Variants in ZMYND8 observed in about 807,000 individuals in gnomAD.
ZMYND8 encodes zinc finger MYND-type containing 8.
A neutral mutation model predicts 140.8 loss-of-function variants in ZMYND8; 37 were observed. The observed-to-expected ratio is 0.26, with a 90% CI of 0.20 to 0.35. The LOEUF is 0.35. Among genes scored for constraint, ZMYND8 ranks in the 10% least tolerant of loss-of-function variants. The pLI, the probability that ZMYND8 is intolerant of heterozygous loss-of-function variation, is 1.00. For missense variants in ZMYND8, 1,068 were observed against 1,570.0 expected (o/e 0.68, Z 5.40); for synonymous variants, 592 against 597.1 (o/e 0.99, Z 0.12).
In ZMYND8 at chr20:47,221,305, G is replaced by T. The variant is rs756031942; in HGVS notation, c.3417+9C>A. ...ATGTCACTAGCCAAAGGCATGGGGGGATCCTCACCGAGCCACTCTCCTTGC... is the reference window on the plus strand; with the variant it reads ...ATGTCACTAGCCAAAGGCATGGGGGTATCCTCACCGAGCCACTCTCCTTGC... On this transcript the variant is annotated intron_variant, in intron 20 of 22. Coordinates refer to ENST00000471951, the MANE Select transcript of ZMYND8 (RefSeq NM_001281775.3). The T allele has an allele frequency of 1.2e-5, 19 of 1,613,610 alleles. No homozygotes were observed. The highest frequency in any genetic ancestry group is 1.4e-5 in the Non-Finnish European group (17 of 1,179,970).
In ZMYND8 at chr20:47,210,593, G is replaced by T; in HGVS notation, c.*168C>A. 1.1e-6 allele frequency: 1 copy of T among 944,528 alleles called. No homozygotes were observed. Among genetic ancestry groups the T allele is most frequent in the Non-Finnish European group, 1.6e-6 (1 of 608,520 alleles). The allele number at this position is 944,528 out of a possible 1,614,324, so 58.5% of individuals were successfully genotyped here. On this transcript the variant is annotated 3_prime_UTR_variant, in exon 23 of 23. Coordinates refer to ENST00000471951, the MANE Select transcript of ZMYND8 (RefSeq NM_001281775.3). ...ACAGTCTGCAGTCAAAGCCGATGCT[G>T]GGTGTCCTGTAGTGTAGCAGCCCCC...
At chr20:47,242,918 A>G (rs185838969) in intron 14 of ZMYND8, among the ~76,000 whole-genome samples, 1 of 152,338 alleles carries the variant, frequency 6.6e-6, no homozygotes, top group East Asian at 1.9e-4. Flanking sequence ...TTAAAGGGTC[A>G]GCACCTGAGA....
chr20:47,277,944 T>C (rs1392636081), intron 10 of ZMYND8, among the ~76,000 whole-genome samples: 1 of 152,032 alleles, frequency 6.6e-6, no homozygotes, highest in African/African-American at 2.4e-5. Context: ...GTGCTGGGAT[T>C]ATAGGTGTTA....
intron 22 of ZMYND8, among the ~76,000 whole-genome samples, chr20:47,211,990 G>A (rs76576268): frequency 6.6e-6 from 1 of 152,302 alleles, no homozygotes; most frequent in East Asian, 1.9e-4. Context: ...GACCAAAAGG[G>A]AGCAATACTA....
chr20:47,337,291 G>T (rs2081462037), intron 2 of ZMYND8, among the ~76,000 whole-genome samples: 1 of 152,180 alleles, frequency 6.6e-6, no homozygotes, highest in Non-Finnish European at 1.5e-5. Context: ...GGCGGAGGCT[G>T]CAGTAAGCCG....
intron 11 of ZMYND8, among the ~76,000 whole-genome samples, chr20:47,268,439 G>A (rs865986908): frequency 1.1e-4 from 16 of 151,560 alleles, no homozygotes; most frequent in Middle Eastern, 3.4e-3. Flanking sequence ...GATTACAGGC[G>A]CCCGCCACCA....
At chr20:47,332,230 G>T (rs2081016057) in intron 2 of ZMYND8, among the ~76,000 whole-genome samples, 1 of 152,150 alleles carries the variant, frequency 6.6e-6, no homozygotes, top group South Asian at 2.1e-4. Flanking sequence ...AGAATCATTT[G>T]AACCCGGGAG....
At position 47,306,573 on chromosome 20, in the gene ZMYND8, C is replaced by CTTTT. The variant is rs113460565; in HGVS notation, c.234+3479_234+3482dup. On this transcript the variant is annotated intron_variant, in intron 3 of 22. Coordinates refer to ENST00000471951, the MANE Select transcript of ZMYND8 (RefSeq NM_001281775.3). ...AAATGGAAATATATGGATTATTTGC[C>CTTTT]TTTTTTTTTTTTTTTGAGACAGAGT... 5.8e-4 allele frequency among the ~76,000 whole-genome samples: 79 copies of CTTTT among 136,554 alleles called. 1 individual carries two copies. In the South Asian group the frequency reaches 8.0e-3, roughly 14 times the overall value. 89.6% of individuals were successfully genotyped at this position (136,554 alleles called of 152,430 possible). A position where few individuals can be genotyped will look rare whatever the true frequency, so the allele number is the denominator to read the frequency against.
At chr20:47,211,248 T>C (rs2035212758) in intron 22 of ZMYND8, among the ~76,000 whole-genome samples, 1 of 152,194 alleles carries the variant, frequency 6.6e-6, no homozygotes, top group African/African-American at 2.4e-5. Flanking sequence ...AAGCACCCCA[T>C]GCACTTCTGG....
intron 2 of ZMYND8, chr20:47,320,351 C>T (rs1201882491): frequency 6.6e-6 from 1 of 152,386 alleles, no homozygotes; most frequent in Non-Finnish European, 1.5e-5. Context: ...CCACAGTCAC[C>T]TTGTCACATT....
At chr20:47,284,418 G>A (rs2076797890) in intron 8 of ZMYND8, among the ~76,000 whole-genome samples, 1 of 152,166 alleles carries the variant, frequency 6.6e-6, no homozygotes, top group African/African-American at 2.4e-5. Context: ...CGGGACTACT[G>A]AAATCTAAGA....
chr20:47,303,125 G>A (rs888210546), intron 3 of ZMYND8, among the ~76,000 whole-genome samples: 6 of 152,064 alleles, frequency 3.9e-5, no homozygotes. Context: ...TCTGCTCTCT[G>A]CCTAGGAAAA....
chr20:47,272,481 C>T (rs907513550), intron 11 of ZMYND8, among the ~76,000 whole-genome samples: 2 of 152,268 alleles, frequency 1.3e-5, no homozygotes, highest in East Asian at 1.9e-4. Flanking sequence ...GACCCTAATA[C>T]ATATTAATAA....
chr20:47,338,076 A>T (rs190679715), intron 2 of ZMYND8, among the ~76,000 whole-genome samples: 1 of 152,098 alleles, frequency 6.6e-6, no homozygotes, highest in Admixed American at 6.6e-5. Context: ...AGAGAAAAAC[A>T]CGTTGCCAGG....
At chr20:47,318,749 C>T (rs1482602931) in intron 2 of ZMYND8, 3 of 472,116 alleles carry the variant, frequency 6.4e-6, no homozygotes, top group South Asian at 4.6e-5. Flanking sequence ...ACTGCACTGG[C>T]CTGAACTGTG....
At chr20:47,340,513 C>T (rs1439884357) in intron 2 of ZMYND8, among the ~76,000 whole-genome samples, 4 of 151,722 alleles carry the variant, frequency 2.6e-5, no homozygotes, top group African/African-American at 9.7e-5. Context: ...AAAAAAAGGC[C>T]GGAGGCGTGG....
Position 47,236,440 on chromosome 20 carries a change from G to A in ZMYND8, c.2742C>T (p.Pro914=). Reference sequence around the variant, plus strand: ...TCATGGACCCCGAGCTGGTGACCAGGGGCGATGACTGTGTGCTGGTCACCA... The same window carrying A: ...TCATGGACCCCGAGCTGGTGACCAGAGGCGATGACTGTGTGCTGGTCACCA... ...ITLVTSTQSS[P]LVTSSGSMST... The change falls in exon 16 of 23, where the codon CCC becomes CCT. Residue 914 remains proline, a synonymous_variant. Transcript: ENST00000471951. 1 of 1,613,870 alleles carries A rather than the reference G, an allele frequency of 6.2e-7. No individual in the cohort carries two copies. The highest frequency in any genetic ancestry group is 1.3e-5 in the African/African-American group (1 of 75,040).
chr20:47,338,531 A>T (rs183031721), intron 2 of ZMYND8, among the ~76,000 whole-genome samples: 19 of 152,228 alleles, frequency 1.2e-4, no homozygotes, highest in African/African-American at 4.3e-4. Flanking sequence ...TCAGCTTCAC[A>T]GACATCATAT....
chr20:47,320,130 CAAAA>C (rs1232418652), intron 2 of ZMYND8: 1 of 152,054 alleles, frequency 6.6e-6, no homozygotes, highest in Non-Finnish European at 1.5e-5. Flanking sequence ...AATTCAGAAA[CAAAA>C]AGACAGTTCT....
Sources: gnomAD v4.1 joint callset for allele counts (sites outside exome capture counted in the v4.1 genomes callset) on GRCh38, gnomAD v4.1.1 for gene constraint, MANE v1.5 for transcripts, NCBI Gene and HGNC (gene_info 2026-07-23, HGNC 2026-07-21) for gene names.